Variants in TNC observed in about 807,000 individuals in gnomAD.
TNC encodes tenascin.
A neutral mutation model predicts 202.4 loss-of-function variants in TNC; 109 were observed. The ratio of observed to expected loss-of-function variants is 0.54; its 90% CI spans 0.46 to 0.63. The LOEUF (loss-of-function observed/expected upper bound fraction) is 0.63, where lower values mean the gene tolerates loss of function less well. Ranked by LOEUF, TNC falls within the 30% of genes least tolerant of loss-of-function variation. The probability of loss-of-function intolerance (pLI) is 0.00; values close to 1 mark genes in which losing one functional copy is unlikely to be tolerated. For missense variants in TNC, 2,756 were observed against 2,833.3 expected (o/e 0.97, Z 0.62); for synonymous variants, 1,007 against 1,089.7 (o/e 0.92, Z 1.50).
Position 115,081,779 on chromosome 9 carries a change from G to T in TNC, c.2397C>A (p.Thr799=), listed in dbSNP as rs1467850183. The T allele has an allele frequency of 1.2e-6, 2 of 1,613,942 alleles. No homozygotes were observed. Among genetic ancestry groups the T allele is most frequent in the Non-Finnish European group, 1.7e-6 (2 of 1,179,920 alleles). Residue 799 remains threonine, a synonymous_variant, in exon 6 of 28, where the codon ACC becomes ACA. Coordinates refer to ENST00000350763, the MANE Select transcript of TNC (RefSeq NM_002160.4). ...ATTAAAGGTGATACTCACGTGTGGT[G>T]GTCACCCTCTTCAGGCCAGGGCCCC... ...NTRGPGLKRV[T]TTRLDAPSQI... is the part of the protein sequence containing the mutation.
intron 9 of TNC, 129 bp from the exon 10 acceptor site, chr9:115,073,995 G>A (rs1833658772): frequency 4.5e-6 from 4 of 882,780 alleles, no homozygotes; most frequent in Middle Eastern, 3.3e-4. Flanking sequence ...CCACAGGAGA[G>A]TCACATCTCT....
intron 10 of TNC, among the ~76,000 whole-genome samples, chr9:115,066,303 G>C (rs1832947170): frequency 6.6e-6 from 1 of 152,222 alleles, no homozygotes. Context: ...AGGAAGGAAA[G>C]TATTTCTCTG....
At chr9:115,090,041 C>G (rs193185154) in intron 2 of TNC, among the ~76,000 whole-genome samples, 2 of 152,286 alleles carry the variant, frequency 1.3e-5, no homozygotes, top group East Asian at 1.9e-4. Context: ...TCTTATAACT[C>G]AGCACTATCA....
Position 115,031,535 on chromosome 9 carries a change from C to A in TNC, c.5920+18G>T. On this transcript the variant is annotated intron_variant, in intron 23 of 27. Transcript: ENST00000350763. ...AAAGTTAGATCTCAAGGCTGGATGG[C>A]ACCCTGGGCCTCCTTACTTGTGGTG... The A allele has an allele frequency of 6.6e-7, 1 of 1,520,722 alleles. No individual in the cohort carries two copies. The highest frequency in any genetic ancestry group is 8.8e-7 in the Non-Finnish European group (1 of 1,134,220). The allele number at this position is 1,520,722 out of a possible 1,614,324, so 94.2% of individuals were successfully genotyped here.
At chr9:115,063,754 GAC>G (rs763143435) in intron 12 of TNC, 40 bp downstream of exon 12, 4 of 1,582,172 alleles carry the variant, frequency 2.5e-6, no homozygotes, top group Non-Finnish European at 2.6e-6. Context: ...CCCGAGCAGA[GAC>G]AAAGGGGAGG....
intron 1 of TNC, among the ~76,000 whole-genome samples, chr9:115,111,429 A>ATTTTTTTTTTTTTTTTTTT (rs1837055817): frequency 1.4e-5 from 1 of 69,826 alleles, no homozygotes; most frequent in African/African-American, 6.3e-5. Flanking sequence ...TTTTTTTGAG[A>ATTTTTTTTTTTTTTTTTTT]TGGAATCTCG....
At chr9:115,029,315 G>A (rs1829773523) in intron 25 of TNC, 45 bp downstream of exon 25, 1 of 1,566,712 alleles carries the variant, frequency 6.4e-7, no homozygotes, top group Admixed American at 1.7e-5. Flanking sequence ...TGACAAGGAG[G>A]GCAGAATCAG....
intron 19 of TNC, among the ~76,000 whole-genome samples, chr9:115,039,386 A>G (rs1310509250): frequency 1.3e-5 from 2 of 152,216 alleles, no homozygotes; most frequent in East Asian, 3.8e-4. Flanking sequence ...CAATACTTGC[A>G]GTTGTTATTA....
At chr9:115,055,399 A>AT (rs1291447836) in intron 15 of TNC, 5 of 152,676 alleles carry the variant, frequency 3.3e-5, no homozygotes, top group Admixed American at 3.3e-4. Flanking sequence ...GAGGGTGAAA[A>AT]GTGGGTAGCG....
chr9:115,085,688 G>A lies in TNC; in HGVS notation c.1867+176C>T, dbSNP rs138273809. ...CTTAAATAGGTCACCTTGTAACAACGGAATGACAGGGCCCCCTTAAAAAGT... is the reference window on the plus strand; with the variant it reads ...CTTAAATAGGTCACCTTGTAACAACAGAATGACAGGGCCCCCTTAAAAAGT... On this transcript the variant is annotated intron_variant, in intron 3 of 27. Coordinates refer to ENST00000350763, the MANE Select transcript of TNC (RefSeq NM_002160.4). Among the ~76,000 whole-genome samples the A allele has an allele frequency of 3.2e-3, 493 of 152,266 alleles. 6 individuals are homozygous for A. Among genetic ancestry groups the A allele is most frequent in the South Asian group, 0.03 (146 of 4,820 alleles).
chr9:115,068,721 C>G lies in TNC; in HGVS notation c.3215-3802G>C, dbSNP rs1833134628. 2.6e-5 allele frequency among the ~76,000 whole-genome samples: 4 copies of G among 152,210 alleles called. No homozygotes were observed. In the South Asian group the frequency reaches 8.3e-4, roughly 32 times the overall value. ...TAGCAGGACTGTATAGCTTGCAGTTCACTAAGGTAAAGTTTCTCATGCTTT... is the reference window on the plus strand; with the variant it reads ...TAGCAGGACTGTATAGCTTGCAGTTGACTAAGGTAAAGTTTCTCATGCTTT... On this transcript the variant is annotated intron_variant, in intron 10 of 27. Coordinates refer to ENST00000350763, the MANE Select transcript of TNC (RefSeq NM_002160.4).
chr9:115,064,861 T>A lies in TNC; in HGVS notation c.3273A>T (p.Arg1091Ser). Residue 1091 changes from arginine (R) to serine (S), a missense_variant, in exon 11 of 28, where the codon AGA becomes AGT. Coordinates refer to ENST00000350763, the MANE Select transcript of TNC (RefSeq NM_002160.4). ...TVTEVGWDGL[R>S]LNWTAADQAY... ...CCTGGTCAGCTGCGGTCCAGTTGAG[T>A]CTGAGGCCATCCCAGCCAACCTCAG... is the stretch of plus-strand genomic sequence containing the variant. 6.2e-7 allele frequency: 1 copy of A among 1,614,054 alleles called. No homozygotes were observed. The highest frequency in any genetic ancestry group is 8.5e-7 in the Non-Finnish European group (1 of 1,180,004).
At chr9:115,038,640 G>A (rs1042800840) in intron 19 of TNC, among the ~76,000 whole-genome samples, 12 of 152,298 alleles carry the variant, frequency 7.9e-5, no homozygotes, top group African/African-American at 2.9e-4. Context: ...CATCTTCAGT[G>A]TTATTTTGAT....
At chr9:115,032,563 G>T (rs779737746) in intron 22 of TNC, among the ~76,000 whole-genome samples, 2 of 152,152 alleles carry the variant, frequency 1.3e-5, no homozygotes, top group Non-Finnish European at 2.9e-5. Flanking sequence ...ACAATATGAT[G>T]CCTGGGCCTC....
chr9:115,039,255 C>G (rs1830557745), intron 19 of TNC, among the ~76,000 whole-genome samples: 1 of 152,212 alleles, frequency 6.6e-6, no homozygotes, highest in Non-Finnish European at 1.5e-5. Flanking sequence ...CCTCTGTGCC[C>G]TGGGAAAATT....
intron 1 of TNC, among the ~76,000 whole-genome samples, chr9:115,091,721 G>A (rs571723103): frequency 3.3e-5 from 5 of 152,294 alleles, no homozygotes; most frequent in African/African-American, 1.2e-4. Context: ...GAGAGGCAGA[G>A]GTTAAAATAA....
chr9:115,056,253 A>G (rs969308254), intron 15 of TNC, among the ~76,000 whole-genome samples: 2 of 151,608 alleles, frequency 1.3e-5, no homozygotes, highest in African/African-American at 4.9e-5. Context: ...TTTGTTCTGT[A>G]GATATTGTTT....
chr9:115,060,105 AT>A (rs565244272), intron 13 of TNC, 103 bp from the exon 14 acceptor site: 14,204 of 1,060,714 alleles, frequency 0.013, 3 homozygotes, highest in South Asian at 0.015. Flanking sequence ...GGGAAAGATA[AT>A]TTTTTTTTTT....
intron 15 of TNC, among the ~76,000 whole-genome samples, chr9:115,056,203 A>AT (rs11409875): frequency 0.15 from 22,652 of 151,016 alleles, 2,185 homozygotes; most frequent in African/African-American, 0.27. Context: ...TGTAGACAAT[A>AT]TTTTTTTTTC....
Sources: gnomAD v4.1 joint callset for allele counts (sites outside exome capture counted in the v4.1 genomes callset) on GRCh38, gnomAD v4.1.1 for gene constraint, MANE v1.5 for transcripts, NCBI Gene and HGNC (gene_info 2026-07-23, HGNC 2026-07-21) for gene names.